TULP4: variants seen among roughly 807,000 people sequenced by gnomAD.
The protein encoded by TULP4 is TUB like protein 4.
TULP4 carries 16 observed loss-of-function variants against 129.0 expected under a neutral mutation model. The ratio of observed to expected loss-of-function variants is 0.12; its 90% CI spans 0.08 to 0.19. The LOEUF (loss-of-function observed/expected upper bound fraction) is 0.19. Among genes scored for constraint, TULP4 ranks in the 10% least tolerant of loss-of-function variants. The probability of loss-of-function intolerance (pLI) is 1.00; values close to 1 mark genes in which losing one functional copy is unlikely to be tolerated. For missense variants in TULP4, 1,842 were observed against 2,059.1 expected (o/e 0.89, Z 2.04); for synonymous variants, 998 against 854.0 (o/e 1.17, Z -2.94).
At chr6:158,349,031 G>GCTA in intron 1 of TULP4, among the ~76,000 whole-genome samples, 1 of 60,152 alleles carries the variant, frequency 1.7e-5, no homozygotes, top group South Asian at 4.9e-4. Flanking sequence ...CGGGGCAGCC[G>GCTA]GGCAGAGGCG....
intron 1 of TULP4, among the ~76,000 whole-genome samples, chr6:158,357,170 G>T (rs1714100658): frequency 6.6e-6 from 1 of 152,180 alleles, no homozygotes. Context: ...CTCTGGATAT[G>T]CTATTGCTAG....
At chr6:158,232,781 C>T (rs988991971) in intron 1 of TULP4, among the ~76,000 whole-genome samples, 2 of 152,172 alleles carry the variant, frequency 1.3e-5, no homozygotes, top group African/African-American at 4.8e-5. Context: ...CCGGCCGCGC[C>T]GCCACCTCCC....
chr6:158,320,432 ATTTT>A (rs34867450), intron 1 of TULP4, among the ~76,000 whole-genome samples: 1 of 142,322 alleles, frequency 7.0e-6, no homozygotes. Flanking sequence ...TTTAACAGGA[ATTTT>A]TTTTTTTTTT....
At chr6:158,334,442 G>C (rs1779985867) in intron 1 of TULP4, among the ~76,000 whole-genome samples, 1 of 152,134 alleles carries the variant, frequency 6.6e-6, no homozygotes, top group African/African-American at 2.4e-5. Context: ...TTTATTGTAA[G>C]AATATGGTAT....
At chr6:158,371,580 A>G (rs922330377) in intron 1 of TULP4, among the ~76,000 whole-genome samples, 3 of 152,236 alleles carry the variant, frequency 2.0e-5, no homozygotes, top group Non-Finnish European at 4.4e-5. Flanking sequence ...TCCACCTCAC[A>G]TTTCACTAAT....
rs559800559 is a variant in TULP4 at position 158,404,454 on chromosome 6, A to AT, written c.253-8610dup. On this transcript the variant is annotated intron_variant, in intron 1 of 13. Transcript: ENST00000367097. ...AACCCTTAAGAATAATGTATTGAGGATATGTACATGTATAATTAAGGTATA... is the reference window on the plus strand; with the variant it reads ...AACCCTTAAGAATAATGTATTGAGGATTATGTACATGTATAATTAAGGTATA... Among the ~76,000 whole-genome samples, 209 of 152,306 alleles carry AT rather than the reference A, an allele frequency of 1.4e-3. 1 individual carries two copies. The highest frequency in any genetic ancestry group is 1.8e-3 in the Admixed American group (27 of 15,298).
chr6:158,462,349 C>T (rs1779447316), intron 6 of TULP4, among the ~76,000 whole-genome samples: 1 of 151,364 alleles, frequency 6.6e-6, no homozygotes, highest in African/African-American at 2.4e-5. Flanking sequence ...AGAGAGAGAC[C>T]CTTACATATG....
chr6:158,279,096 C>T (rs576880617), upstream of TULP4, among the ~76,000 whole-genome samples: 1 of 151,720 alleles, frequency 6.6e-6, no homozygotes, highest in South Asian at 2.1e-4. Context: ...TGCCACTATG[C>T]CCGGCTAATT....
At chr6:158,339,751 T>C (rs927597115) in intron 1 of TULP4, among the ~76,000 whole-genome samples, 17 of 152,170 alleles carry the variant, frequency 1.1e-4, no homozygotes, top group Non-Finnish European at 1.8e-4. Flanking sequence ...ATCACTGTTA[T>C]CCTGTTCTTA....
chr6:158,378,485 T>TTGTTG (rs1554285635), intron 1 of TULP4, among the ~76,000 whole-genome samples: 1 of 51,288 alleles, frequency 1.9e-5, no homozygotes, highest in Non-Finnish European at 3.9e-5. Flanking sequence ...TTTTTTTTTT[T>TTGTTG]GGTGGGGGTG....
intron 1 of TULP4, among the ~76,000 whole-genome samples, chr6:158,265,557 C>T (rs1486708837): frequency 6.6e-6 from 1 of 151,954 alleles, no homozygotes; most frequent in Non-Finnish European, 1.5e-5. Context: ...GATGGCATGC[C>T]TGTAGTCCCA....
chr6:158,330,125 G>T (rs1434230510), intron 1 of TULP4, among the ~76,000 whole-genome samples: 3 of 80,536 alleles, frequency 3.7e-5, no homozygotes, highest in South Asian at 5.6e-4. Context: ...CTACTAATTT[G>T]ATAACCGATA....
Position 158,474,859 on chromosome 6 carries a change from G to A in TULP4, c.1027-4892G>A, listed in dbSNP as rs139757066. ...GTTGGCACTCCAAAAGTCAGATTTT[G>A]GAGCATTTTGGGTTTCAGATTTTCA... On this transcript the variant is annotated intron_variant, in intron 6 of 13. Coordinates refer to ENST00000367097, the MANE Select transcript of TULP4 (RefSeq NM_020245.5). Among the ~76,000 whole-genome samples the A allele has an allele frequency of 3.5e-3, 535 of 152,230 alleles. 2 individuals carry two copies. The highest frequency in any genetic ancestry group is 0.012 in the African/African-American group (485 of 41,530).
chr6:158,294,606 A>T (rs1240904173), intron 1 of TULP4, among the ~76,000 whole-genome samples: 1 of 152,206 alleles, frequency 6.6e-6, no homozygotes, highest in Non-Finnish European at 1.5e-5. Context: ...TCAGCCTCCC[A>T]GGAGGAGAAA....
intron 5 of TULP4, among the ~76,000 whole-genome samples, chr6:158,460,595 A>G (rs578255969): frequency 5.8e-4 from 89 of 152,362 alleles, no homozygotes; most frequent in African/African-American, 2.0e-3. Flanking sequence ...GTAGGTGGGC[A>G]TCGAATTTCC....
chr6:158,245,460 G>C (rs1032544337), intron 1 of TULP4, among the ~76,000 whole-genome samples: 1 of 152,182 alleles, frequency 6.6e-6, no homozygotes, highest in Middle Eastern at 3.4e-3. Flanking sequence ...CTCGGTGCTG[G>C]TGCAGATGAA....
intron 2 of TULP4, among the ~76,000 whole-genome samples, chr6:158,423,119 AAG>A (rs1491239905): frequency 0.043 from 1,713 of 40,184 alleles, 79 homozygotes; most frequent in African/African-American, 0.1. Flanking sequence ...CTCCACAAAA[AAG>A]AGGGGGGGGG....
At chr6:158,409,948 C>T (rs906785813) in intron 1 of TULP4, among the ~76,000 whole-genome samples, 3 of 152,032 alleles carry the variant, frequency 2.0e-5, no homozygotes, top group Non-Finnish European at 2.9e-5. Context: ...CTCCGCCTCC[C>T]GGGTTGATGC....
rs750133303 is a variant in TULP4 at position 158,506,606 on chromosome 6, G to A, written c.4544G>A (p.Ser1515Asn). The A allele has an allele frequency of 6.2e-7, 1 of 1,613,662 alleles. No homozygotes were observed. The highest frequency in any genetic ancestry group is 2.2e-5 in the East Asian group (1 of 44,878). The change falls in exon 14 of 14, where the codon AGT becomes AAT. Residue 1515 changes from serine (S) to asparagine (N), a missense_variant. Ser to Asn is a conservative substitution (Grantham distance 46). This residue lies in a region of TULP4 where 47 missense variants were observed against 104.0 expected (regional missense o/e 0.45). Coordinates refer to ENST00000367097, the MANE Select transcript of TULP4 (RefSeq NM_020245.5). ...QVMQFGRIDG[S>N]AYILDFQYPF... is the part of the protein sequence containing the mutation. ...ATGCAGTTTGGACGGATTGATGGCA[G>A]TGCGTACATTCTAGACTTCCAGTAT...
Sources: gnomAD v4.1 joint callset for allele counts (sites outside exome capture counted in the v4.1 genomes callset) on GRCh38, gnomAD v4.1.1 for gene constraint, gnomAD v4.1.1 regional missense constraint, MANE v1.5 for transcripts, NCBI Gene and HGNC (gene_info 2026-07-23, HGNC 2026-07-21) for gene names.